Variants in SYN3 observed in about 807,000 individuals in gnomAD.
SYN3 encodes synapsin III, also known as synapsin-3.
SYN3 carries 35 observed loss-of-function variants against 65.8 expected under a neutral mutation model. The observed-to-expected ratio is 0.53, with a 90% CI of 0.41 to 0.70. The LOEUF is 0.70. Among genes scored for constraint, SYN3 ranks in the 30% least tolerant of loss-of-function variants. The probability of loss-of-function intolerance (pLI) is 0.00; values close to 1 mark genes in which losing one functional copy is unlikely to be tolerated. For synonymous variants in SYN3, 270 were observed against 292.9 expected (o/e 0.92, Z 0.80); for missense variants, 680 against 749.0 (o/e 0.91, Z 1.08).
Position 32,887,750 on chromosome 22 carries a change from C to T in SYN3, c.462-18625G>A, listed in dbSNP as rs111599522. On this transcript the variant is annotated intron_variant, in intron 4 of 13. Coordinates refer to ENST00000358763, the MANE Select transcript of SYN3 (RefSeq NM_003490.4). Reference sequence around the variant, plus strand: ...TGTACCACATTTTGTTTATTGTTCACGAGTTGACAGGCATTTGGGTTGTCT... The same window carrying T: ...TGTACCACATTTTGTTTATTGTTCATGAGTTGACAGGCATTTGGGTTGTCT... Among the ~76,000 whole-genome samples the T allele has an allele frequency of 2.6e-3, 391 of 152,288 alleles. 2 individuals carry two copies. The highest frequency in any genetic ancestry group is 9.0e-3 in the African/African-American group (376 of 41,568).
intron 9 of SYN3, among the ~76,000 whole-genome samples, chr22:32,536,829 C>T (rs1234936364): frequency 6.6e-6 from 1 of 152,170 alleles, no homozygotes; most frequent in African/African-American, 2.4e-5. Flanking sequence ...AGCCTTAAGG[C>T]CTTACCTGAC....
chr22:32,558,542 T>C (rs2058537066), intron 7 of SYN3, among the ~76,000 whole-genome samples: 1 of 152,230 alleles, frequency 6.6e-6, no homozygotes, highest in South Asian at 2.1e-4. Context: ...AGGCAACTTT[T>C]CCCTTTTCCT....
At chr22:32,920,058 C>T (rs921415575) in intron 4 of SYN3, among the ~76,000 whole-genome samples, 2 of 152,186 alleles carry the variant, frequency 1.3e-5, no homozygotes, top group East Asian at 1.9e-4. Flanking sequence ...TGATGCCTTT[C>T]GTCAAGGTCT....
chr22:32,736,505 A>C (rs1569183349), intron 6 of SYN3, among the ~76,000 whole-genome samples: 1 of 152,194 alleles, frequency 6.6e-6, no homozygotes. Flanking sequence ...ATGTCAGACA[A>C]ACACAGTGTT....
chr22:32,714,247 C>T (rs2061006185), intron 6 of SYN3, among the ~76,000 whole-genome samples: 1 of 152,166 alleles, frequency 6.6e-6, no homozygotes, highest in Admixed American at 6.5e-5. Context: ...GTACAGGAGC[C>T]AAGAGACCCA....
At chr22:32,798,105 G>A (rs73158305) in intron 6 of SYN3, among the ~76,000 whole-genome samples, 141 of 152,188 alleles carry the variant, frequency 9.3e-4, no homozygotes, top group Non-Finnish European at 1.0e-3. Flanking sequence ...AGTAATTTAG[G>A]AAGGGAAAAA....
intron 6 of SYN3, among the ~76,000 whole-genome samples, chr22:32,766,867 G>C (rs183517523): frequency 6.6e-6 from 1 of 152,256 alleles, no homozygotes; most frequent in Non-Finnish European, 1.5e-5. Context: ...GCACTGACTG[G>C]GCAACACTCC....
At chr22:32,836,525 G>T (rs1211945359) in intron 6 of SYN3, among the ~76,000 whole-genome samples, 1 of 152,184 alleles carries the variant, frequency 6.6e-6, no homozygotes, top group African/African-American at 2.4e-5. Flanking sequence ...TCCTTAAAAG[G>T]ATTTGGATCT....
intron 1 of SYN3, among the ~76,000 whole-genome samples, chr22:33,052,386 A>ATCC (rs141808112): frequency 0.093 from 14,059 of 151,818 alleles, 1,989 homozygotes; most frequent in African/African-American, 0.3. Context: ...TCTCTAAAGA[A>ATCC]TCCTCCTCCT....
intron 7 of SYN3, among the ~76,000 whole-genome samples, chr22:32,559,201 C>T (rs568276380): frequency 3.3e-5 from 5 of 152,310 alleles, no homozygotes; most frequent in Non-Finnish European, 7.3e-5. Flanking sequence ...ATTTCAACTA[C>T]GTCCGTCTGA....
Position 32,538,115 on chromosome 22 carries a change from A to G in SYN3, c.918-5T>C. The G allele has an allele frequency of 7.4e-6, 12 of 1,613,994 alleles. No individual in the cohort carries two copies. Among genetic ancestry groups the G allele is most frequent in the East Asian group, 6.7e-5 (3 of 44,884 alleles). ...TTCCCAGAGATGGAGGTTCTCCTGT[A>G]CCAGAACAAACAACACATTGAGGGA... On this transcript the variant is annotated splice_region_variant and splice_polypyrimidine_tract_variant and intron_variant, in intron 8 of 13. Coordinates refer to ENST00000358763, the MANE Select transcript of SYN3 (RefSeq NM_003490.4).
Position 32,533,831 on chromosome 22 carries a change from C to A in SYN3, c.1057G>T (p.Ala353Ser). Residue 353 changes from alanine to serine, a missense_variant, in exon 10 of 14, where the codon GCT becomes TCT. Coordinates refer to ENST00000358763, the MANE Select transcript of SYN3 (RefSeq NM_003490.4). ...FGGLDICAVK[A>S]VHSKDGRDYI... ...TCTCTGCCATCCTTGCTGTGGACAGCCTTGACGGCACAGATGTCCAGGCCG... is the reference window on the plus strand; with the variant it reads ...TCTCTGCCATCCTTGCTGTGGACAGACTTGACGGCACAGATGTCCAGGCCG... The A allele has an allele frequency of 6.2e-7, 1 of 1,613,970 alleles. No homozygotes were observed. The highest frequency in any genetic ancestry group is 8.5e-7 in the Non-Finnish European group (1 of 1,179,912).
At chr22:32,679,048 C>CTTTTTT (rs145971116) in intron 6 of SYN3, among the ~76,000 whole-genome samples, 207 of 85,604 alleles carry the variant, frequency 2.4e-3, no homozygotes, top group Non-Finnish European at 3.2e-3. Context: ...TTGTTTCTTT[C>CTTTTTT]TTTTTTTTTT....
At chr22:32,875,239 G>A (rs1264550785) in intron 4 of SYN3, among the ~76,000 whole-genome samples, 1 of 152,194 alleles carries the variant, frequency 6.6e-6, no homozygotes. Context: ...TGGAGAAGGG[G>A]CCCGGTGGGG....
intron 6 of SYN3, among the ~76,000 whole-genome samples, chr22:32,816,025 T>G (rs1050947255): frequency 1.1e-4 from 17 of 152,120 alleles, no homozygotes; most frequent in African/African-American, 4.1e-4. Flanking sequence ...CAGCACTGAT[T>G]GAAGGGCCCA....
chr22:32,781,083 T>C (rs1190381876), intron 6 of SYN3, among the ~76,000 whole-genome samples: 1 of 118,964 alleles, frequency 8.4e-6, no homozygotes, highest in Admixed American at 9.1e-5. Flanking sequence ...CTCCCTTCCA[T>C]CCTCCCTTCC....
At chr22:32,832,310 G>A (rs1288896342) in intron 6 of SYN3, among the ~76,000 whole-genome samples, 1 of 152,180 alleles carries the variant, frequency 6.6e-6, no homozygotes, top group African/African-American at 2.4e-5. Context: ...AAATGCATGA[G>A]TTAGAAATAT....
intron 6 of SYN3, among the ~76,000 whole-genome samples, chr22:32,841,640 A>T (rs551803319): frequency 6.6e-6 from 1 of 151,872 alleles, no homozygotes; most frequent in East Asian, 2.0e-4. Flanking sequence ...TATATAAGTA[A>T]AAAGATCATC....
At chr22:32,920,538 C>G (rs1049463492) in intron 4 of SYN3, among the ~76,000 whole-genome samples, 1 of 152,210 alleles carries the variant, frequency 6.6e-6, no homozygotes, top group Non-Finnish European at 1.5e-5. Flanking sequence ...GGAAGGAGGG[C>G]TATCAAGACA....
Sources: gnomAD v4.1 joint callset for allele counts (sites outside exome capture counted in the v4.1 genomes callset) on GRCh38, gnomAD v4.1.1 for gene constraint, MANE v1.5 for transcripts, NCBI Gene and HGNC (gene_info 2026-07-23, HGNC 2026-07-21) for gene names.